Variants in KHDC1 observed in about 807,000 individuals in gnomAD.
The protein encoded by KHDC1 is KH homology domain-containing protein 1.
KHDC1 carries 21 observed loss-of-function variants against 24.7 expected under a neutral mutation model. The observed-to-expected ratio is 0.85, with a 90% CI of 0.60 to 1.23. KHDC1 has a LOEUF of 1.23. KHDC1 is among the 50% of genes most tolerant of loss of function. The pLI, the probability that KHDC1 is intolerant of heterozygous loss-of-function variation, is 0.00. For missense variants in KHDC1, 274 were observed against 298.5 expected, an observed-to-expected ratio of 0.92 and a Z score of 0.61; for synonymous variants, 98 against 111.7, an observed-to-expected ratio of 0.88 and a Z score of 0.77.
Position 73,273,160 on chromosome 6 carries a change from TTTTG to T in KHDC1, c.206+18834_206+18837del, listed in dbSNP as rs541599284. On this transcript the variant is annotated intron_variant, in intron 2 of 4. Transcript: ENST00000370384. ...AGGCGTGAGCCACCGCGCCCAGCTT[TTTTG>T]TTTGTTTGTTTGTTTGTTTTTGAGA... Among the ~76,000 whole-genome samples the T allele has an allele frequency of 7.6e-3, 967 of 126,582 alleles. 11 individuals are homozygous for T. The highest frequency in any genetic ancestry group is 0.026 in the African/African-American group (874 of 33,294). The allele number at this position is 126,582 out of a possible 152,430, so 83.0% of individuals were successfully genotyped here.
At chr6:73,242,729 T>A (rs1766597303) in intron 2 of KHDC1, among the ~76,000 whole-genome samples, 199 bp from the exon 2 acceptor site, 1 of 152,202 alleles carries the variant, frequency 6.6e-6, no homozygotes, top group Admixed American at 6.5e-5. Flanking sequence ...TAATCCTTCA[T>A]GCCAAACTTA....
At chr6:73,249,805 A>G (rs1033720833) in intron 2 of KHDC1, among the ~76,000 whole-genome samples, 2 of 152,114 alleles carry the variant, frequency 1.3e-5, no homozygotes, top group African/African-American at 4.8e-5. Flanking sequence ...TCCAGAGAGT[A>G]GTGTCGTGAT....
intron 2 of KHDC1, among the ~76,000 whole-genome samples, chr6:73,262,185 C>T (rs539221570): frequency 2.6e-5 from 4 of 152,312 alleles, no homozygotes; most frequent in African/African-American, 9.6e-5. Flanking sequence ...CTTGACCTCA[C>T]TTGCCTTCTT....
At chr6:73,285,778 TA>T (rs1767509157) in intron 2 of KHDC1, among the ~76,000 whole-genome samples, 1 of 152,108 alleles carries the variant, frequency 6.6e-6, no homozygotes, top group African/African-American at 2.4e-5. Context: ...GCATTAGGTA[TA>T]TCTCCCAATG....
chr6:73,254,306 T>C (rs917245218), intron 2 of KHDC1, among the ~76,000 whole-genome samples: 1 of 151,124 alleles, frequency 6.6e-6, no homozygotes, highest in Admixed American at 6.6e-5. Flanking sequence ...ACTAAAAATA[T>C]AAAAATTAGC....
At position 73,241,370 on chromosome 6, in the gene KHDC1, A is replaced by G. The variant is rs976698998; in HGVS notation, c.*159T>C. 6.1e-6 allele frequency: 4 copies of G among 654,550 alleles called. No homozygotes were observed. The African/African-American group carries it at 7.3e-5, about 12-fold the overall frequency. The allele number at this position is 654,550 out of a possible 1,614,324, so 40.5% of individuals were successfully genotyped here. ...TGCTTTGCCAATAACACTTTCTTAC[A>G]TTCAAGAGACTTCCCTCAGACATGT... is the stretch of plus-strand genomic sequence containing the variant. On this transcript the variant is annotated 3_prime_UTR_variant, in exon 5 of 5. Coordinates refer to ENST00000370384, the Ensembl canonical transcript of KHDC1.
intron 1 of KHDC1, among the ~76,000 whole-genome samples, chr6:73,302,596 T>G (rs561586470): frequency 7.9e-5 from 12 of 152,272 alleles, no homozygotes; most frequent in African/African-American, 2.9e-4. Context: ...GTAGGTTTGT[T>G]TACACAAGCA....
At position 73,255,886 on chromosome 6, in the gene KHDC1, A is replaced by G. The variant is rs1325292310; in HGVS notation, c.207-13356T>C. 2.8e-5 allele frequency among the ~76,000 whole-genome samples: 4 copies of G among 142,226 alleles called. No individual in the cohort carries two copies. In the Admixed American group the frequency reaches 2.9e-4, roughly 10 times the overall value. 93.3% of individuals were successfully genotyped at this position (142,226 alleles called of 152,430 possible). ...CACTGCACTCCAGCCTGGGTGACAG[A>G]GTGAGAACCTGTCTCAACAAAAAAA... On this transcript the variant is annotated intron_variant, in intron 2 of 4. Transcript: ENST00000370384.
At chr6:73,289,943 A>G (rs935839159) in intron 2 of KHDC1, among the ~76,000 whole-genome samples, 1 of 149,248 alleles carries the variant, frequency 6.7e-6, no homozygotes, top group Admixed American at 6.6e-5. Context: ...TACTAAAAAT[A>G]CAACAAATTA....
exon 5 of KHDC1, chr6:73,241,448 T>C: frequency 7.4e-7 from 1 of 1,353,964 alleles, no homozygotes; most frequent in Non-Finnish European, 1.1e-6. Context: ...CTTTCCTCAG[T>C]GTCTATCATG....
intron 2 of KHDC1, among the ~76,000 whole-genome samples, chr6:73,243,629 G>A (rs913939853): frequency 6.6e-6 from 1 of 152,164 alleles, no homozygotes; most frequent in African/African-American, 2.4e-5. Flanking sequence ...CTAGCAACAG[G>A]TTGCAAAGAC....
chr6:73,299,843 G>A (rs978059086), intron 1 of KHDC1: 3 of 152,242 alleles, frequency 2.0e-5, no homozygotes, highest in African/African-American at 4.8e-5. Context: ...TGAGAGGAGG[G>A]GATTCTGCTG....
At chr6:73,285,017 G>C (rs1767493512) in intron 2 of KHDC1, among the ~76,000 whole-genome samples, 1 of 151,950 alleles carries the variant, frequency 6.6e-6, no homozygotes. Flanking sequence ...GCTAATTTTT[G>C]TATTTTTAGT....
intron 1 of KHDC1, among the ~76,000 whole-genome samples, chr6:73,297,600 T>C (rs534399298): frequency 7.2e-5 from 11 of 152,282 alleles, no homozygotes; most frequent in African/African-American, 1.7e-4. Flanking sequence ...CCCATTGAGG[T>C]TGAACCAATT....
At position 73,249,243 on chromosome 6, in the gene KHDC1, T is replaced by C. The variant is rs148419116; in HGVS notation, c.207-6713A>G. Among the ~76,000 whole-genome samples, 767 of 152,186 alleles carry C rather than the reference T, an allele frequency of 5.0e-3. 3 individuals carry two copies. Among genetic ancestry groups the C allele is most frequent in the Non-Finnish European group, 8.2e-3 (559 of 68,008 alleles). ...TCAAGGTGTGCTATGATCATGCCAT[T>C]GCACTCCAGCCGAGGCGACAGAGTG... On this transcript the variant is annotated intron_variant, in intron 2 of 4. Transcript: ENST00000370384.
intron 2 of KHDC1, among the ~76,000 whole-genome samples, chr6:73,260,126 T>C (rs1024869824): frequency 1.3e-5 from 2 of 152,144 alleles, no homozygotes; most frequent in African/African-American, 4.8e-5. Flanking sequence ...TACTTTAGAG[T>C]CCGCTATTGT....
At position 73,248,241 on chromosome 6, in the gene KHDC1, C is replaced by A. The variant is rs749253262; in HGVS notation, c.207-5711G>T. ...GAAATATGAGACCACATGTGCATCT[C>A]CTGGAAAATCATTTTGCACAGTCCT... On this transcript the variant is annotated intron_variant, in intron 2 of 4. Transcript: ENST00000370384. Among the ~76,000 whole-genome samples the A allele has an allele frequency of 6.7e-4, 102 of 152,252 alleles. 1 individual carries two copies. The highest frequency in any genetic ancestry group is 5.8e-4 in the East Asian group (3 of 5,180).
intron 2 of KHDC1, chr6:73,276,479 T>G (rs1767301682): frequency 1.4e-5 from 2 of 145,008 alleles, no homozygotes; most frequent in Admixed American, 7.4e-5. Flanking sequence ...AGAGCAAAAC[T>G]TCATCTCAAA....
At position 73,248,280 on chromosome 6, in the gene KHDC1, T is replaced by C. The variant is rs77497094; in HGVS notation, c.207-5750A>G. 4.7e-3 allele frequency among the ~76,000 whole-genome samples: 716 copies of C among 152,270 alleles called. 3 individuals are homozygous for C. Among genetic ancestry groups the C allele is most frequent in the Non-Finnish European group, 7.8e-3 (533 of 68,022 alleles). ...TTGCACAGTCCTGAGATTGAGAGCG[T>C]GGAGCATCCCCCTTCCTGCTCCCTC... is the stretch of plus-strand genomic sequence containing the variant. On this transcript the variant is annotated intron_variant, in intron 2 of 4. Transcript: ENST00000370384.
Sources: gnomAD v4.1 joint callset for allele counts (sites outside exome capture counted in the v4.1 genomes callset) on GRCh38, gnomAD v4.1.1 for gene constraint, MANE v1.5 for transcripts, NCBI Gene and HGNC (gene_info 2026-07-23, HGNC 2026-07-21) for gene names.